Variants in NOS1AP observed in about 807,000 individuals in gnomAD.
NOS1AP encodes carboxyl-terminal PDZ ligand of neuronal nitric oxide synthase protein.
A neutral mutation model predicts 56.2 loss-of-function variants in NOS1AP; 21 were observed. The ratio of observed to expected loss-of-function variants is 0.37; its 90% confidence interval spans 0.26 to 0.54. The LOEUF (loss-of-function observed/expected upper bound fraction) is 0.54, where lower values mean the gene tolerates loss of function less well. Ranked by LOEUF, NOS1AP falls within the 20% of genes least tolerant of loss-of-function variation. The pLI, the probability that NOS1AP is intolerant of heterozygous loss-of-function variation, is 0.84. For synonymous variants in NOS1AP, 270 were observed against 274.6 expected (o/e 0.98, Z 0.17); for missense variants, 522 against 657.8 (o/e 0.79, Z 2.26).
intron 2 of NOS1AP, among the ~76,000 whole-genome samples, chr1:162,283,124 A>G (rs1013854183): frequency 2.6e-5 from 4 of 151,568 alleles, no homozygotes; most frequent in Admixed American, 6.6e-5. Flanking sequence ...GTGTGTGTTA[A>G]AAATCCATGG....
intron 1 of NOS1AP, among the ~76,000 whole-genome samples, chr1:162,082,755 ACCCAGAGG>A (rs1691921963): frequency 6.6e-6 from 1 of 152,064 alleles, no homozygotes; most frequent in Non-Finnish European, 1.5e-5. Flanking sequence ...AGTTCTCTCC[ACCCAGAGG>A]CCCCATGGTG....
intron 1 of NOS1AP, among the ~76,000 whole-genome samples, chr1:162,117,058 T>C (rs1409801208): frequency 6.6e-6 from 1 of 152,200 alleles, no homozygotes; most frequent in Non-Finnish European, 1.5e-5. Context: ...CTTGCAGATA[T>C]GTATACCCTA....
chr1:162,226,423 A>G (rs1425386948), intron 2 of NOS1AP, among the ~76,000 whole-genome samples: 4 of 152,214 alleles, frequency 2.6e-5, no homozygotes, highest in Non-Finnish European at 4.4e-5. Flanking sequence ...TAAATACTTA[A>G]TATTTACTTA....
rs1201166212 is a variant in NOS1AP at position 162,099,219 on chromosome 1, T to A, written c.105+28937T>A. Among the ~76,000 whole-genome samples, 3 of 146,832 alleles carry A rather than the reference T, an allele frequency of 2.0e-5. No individual in the cohort carries two copies. The East Asian group carries it at 5.9e-4, about 29-fold the overall frequency. On this transcript the variant is annotated intron_variant, in intron 1 of 9. Coordinates refer to ENST00000361897, the MANE Select transcript of NOS1AP (RefSeq NM_014697.3). ...TTTGTTTTTTTTTTTTGAGATGGAGTCTCGCTCTGCCAGGCTGCAGTGCAG... is the reference window on the plus strand; with the variant it reads ...TTTGTTTTTTTTTTTTGAGATGGAGACTCGCTCTGCCAGGCTGCAGTGCAG...
intron 2 of NOS1AP, among the ~76,000 whole-genome samples, chr1:162,264,446 T>C (rs80312280): frequency 0.31 from 463 of 1,498 alleles, 21 homozygotes; most frequent in Admixed American, 0.33. Context: ...TTCTCTTCTC[T>C]TCTCTTCTCT....
chr1:162,335,943 T>G (rs2101798693), intron 5 of NOS1AP, among the ~76,000 whole-genome samples: 1 of 152,310 alleles, frequency 6.6e-6, no homozygotes, highest in Non-Finnish European at 1.5e-5. Context: ...ACTCTGTACC[T>G]ATGGATCTTC....
chr1:162,193,126 G>T lies in NOS1AP; in HGVS notation c.177+38650G>T, dbSNP rs957329933. ...AGATTTTTCTTAACTGTACTGAAAA[G>T]ATGACTCTCAGGCTGCAAGAAACAC... On this transcript the variant is annotated intron_variant, in intron 2 of 9. Coordinates refer to ENST00000361897, the MANE Select transcript of NOS1AP (RefSeq NM_014697.3). 2.0e-5 allele frequency among the ~76,000 whole-genome samples: 3 copies of T among 152,200 alleles called. No homozygotes were observed. In the East Asian group the frequency reaches 5.8e-4, roughly 29 times the overall value.
intron 8 of NOS1AP, among the ~76,000 whole-genome samples, chr1:162,359,185 C>G (rs1315911001): frequency 6.6e-6 from 1 of 152,178 alleles, no homozygotes; most frequent in Non-Finnish European, 1.5e-5. Flanking sequence ...TAGCCTCTCA[C>G]TCACTTGGAA....
intron 2 of NOS1AP, among the ~76,000 whole-genome samples, chr1:162,225,107 C>T (rs965580891): frequency 6.6e-6 from 1 of 152,200 alleles, no homozygotes; most frequent in African/African-American, 2.4e-5. Flanking sequence ...TCCTTGAAGT[C>T]AAACCATTTA....
chr1:162,141,722 G>A lies in NOS1AP; in HGVS notation c.106-12683G>A, dbSNP rs190891525. Among the ~76,000 whole-genome samples the A allele has an allele frequency of 3.9e-3, 598 of 152,256 alleles. 5 individuals carry two copies. The highest frequency in any genetic ancestry group is 0.014 in the African/African-American group (567 of 41,536). ...ACTAATGCCGGGACTTAATTTCTCA[G>A]ACTTTCTACTTCCCTTTAGCTTACT... On this transcript the variant is annotated intron_variant, in intron 1 of 9. Coordinates refer to ENST00000361897, the MANE Select transcript of NOS1AP (RefSeq NM_014697.3).
At chr1:162,228,342 C>G (rs1386616493) in intron 2 of NOS1AP, among the ~76,000 whole-genome samples, 1 of 152,192 alleles carries the variant, frequency 6.6e-6, no homozygotes. Flanking sequence ...ATATAACTCT[C>G]CTTGGAGAAT....
At chr1:162,118,871 A>G (rs1365005783) in intron 1 of NOS1AP, among the ~76,000 whole-genome samples, 2 of 152,176 alleles carry the variant, frequency 1.3e-5, no homozygotes, top group African/African-American at 2.4e-5. Flanking sequence ...GGACTCCATG[A>G]AAACCTCATC....
rs1185970019 is a variant in NOS1AP, at chr1:162,368,926, A to G, written c.*1459A>G. 1.3e-5 allele frequency: 2 copies of G among 152,224 alleles called. No homozygotes were observed. The highest frequency in any genetic ancestry group is 2.9e-5 in the Non-Finnish European group (2 of 68,040). 9.4% of individuals were successfully genotyped at this position (152,224 alleles called of 1,614,324 possible). A position where few individuals can be genotyped will look rare whatever the true frequency, so the allele number is the denominator to read the frequency against. ...ACCCTAGCTTTCCTTTAGATTATAT[A>G]TAAATAAAAGTGCAGTCCTCTTCTA... On this transcript the variant is annotated 3_prime_UTR_variant, in exon 10 of 10. Coordinates refer to ENST00000361897, the MANE Select transcript of NOS1AP (RefSeq NM_014697.3).
intron 1 of NOS1AP, among the ~76,000 whole-genome samples, chr1:162,093,489 G>A (rs1198157141): frequency 6.6e-6 from 1 of 152,196 alleles, no homozygotes; most frequent in African/African-American, 2.4e-5. Context: ...AGGTAGGTAT[G>A]TGTTAGATAT....
At chr1:162,254,171 C>G (rs531523073) in intron 2 of NOS1AP, among the ~76,000 whole-genome samples, 6 of 152,196 alleles carry the variant, frequency 3.9e-5, no homozygotes, top group African/African-American at 1.2e-4. Flanking sequence ...CAGCATCTCG[C>G]CCTGGGTCTT....
At chr1:162,145,622 A>G (rs769442822) in intron 1 of NOS1AP, among the ~76,000 whole-genome samples, 7 of 152,204 alleles carry the variant, frequency 4.6e-5, no homozygotes, top group Non-Finnish European at 1.0e-4. Context: ...GCACAAGAGC[A>G]GTTTCTGCAG....
intron 2 of NOS1AP, among the ~76,000 whole-genome samples, chr1:162,279,152 G>A (rs1023792555): frequency 3.9e-5 from 6 of 152,228 alleles, no homozygotes; most frequent in African/African-American, 1.4e-4. Flanking sequence ...GAAAGCAGCA[G>A]ATGATTGTTA....
At chr1:162,343,415 T>C (rs1472994875) in intron 5 of NOS1AP, among the ~76,000 whole-genome samples, 1 of 152,184 alleles carries the variant, frequency 6.6e-6, no homozygotes, top group Non-Finnish European at 1.5e-5. Flanking sequence ...ACCACTGCCC[T>C]TGGTCTGCAG....
intron 1 of NOS1AP, among the ~76,000 whole-genome samples, chr1:162,102,084 C>A (rs930120235): frequency 6.6e-6 from 1 of 152,130 alleles, no homozygotes; most frequent in African/African-American, 2.4e-5. Context: ...GTGGGTTTGT[C>A]ATGCATGGCT....
Sources: gnomAD v4.1 joint callset for allele counts (sites outside exome capture counted in the v4.1 genomes callset) on GRCh38, gnomAD v4.1.1 for gene constraint, MANE v1.5 for transcripts, NCBI Gene and HGNC (gene_info 2026-07-23, HGNC 2026-07-21) for gene names.